SSBP3: variants seen among roughly 807,000 people sequenced by gnomAD.
SSBP3 encodes single-stranded DNA-binding protein 3.
SSBP3 carries 5 observed loss-of-function variants against 69.6 expected under a neutral mutation model. The ratio of observed to expected loss-of-function variants is 0.07; its 90% CI spans 0.04 to 0.15. The LOEUF is 0.15. SSBP3 is among the 10% of genes least tolerant of loss of function. The pLI, the probability that SSBP3 is intolerant of heterozygous loss-of-function variation, is 1.00. For missense variants in SSBP3, 312 were observed against 534.0 expected, an observed-to-expected ratio of 0.58 and a Z score of 4.10; for synonymous variants, 196 against 193.4, an observed-to-expected ratio of 1.01 and a Z score of -0.11.
intron 4 of SSBP3, among the ~76,000 whole-genome samples, chr1:54,297,351 T>C (rs1005889675): frequency 2.0e-5 from 3 of 152,214 alleles, no homozygotes; most frequent in African/African-American, 7.2e-5. Context: ...GTCTCAAGGC[T>C]GGGTGTGGTG....
intron 5 of SSBP3, among the ~76,000 whole-genome samples, chr1:54,273,584 G>T (rs1415751251): frequency 6.6e-6 from 1 of 152,204 alleles, no homozygotes; most frequent in East Asian, 1.9e-4. Flanking sequence ...AGCAAAAAAA[G>T]GCTTTCTTCC....
chr1:54,236,322 T>G (rs536463122), intron 14 of SSBP3: 1 of 152,280 alleles, frequency 6.6e-6, no homozygotes, highest in African/African-American at 2.4e-5. Flanking sequence ...TTACTATGTT[T>G]GCCAGGCTGG....
intron 4 of SSBP3, among the ~76,000 whole-genome samples, chr1:54,296,901 CAAT>C (rs1238162361): frequency 1.3e-5 from 2 of 152,184 alleles, no homozygotes; most frequent in Non-Finnish European, 2.9e-5. Flanking sequence ...GTCCCAGGAA[CAAT>C]AATAAGCCCC....
At chr1:54,240,455 C>G (rs1248527059) in intron 13 of SSBP3, among the ~76,000 whole-genome samples, 1 of 73,560 alleles carries the variant, frequency 1.4e-5, no homozygotes, top group East Asian at 3.7e-4. Flanking sequence ...GATTCTACCT[C>G]AAAAAAGAAA....
intron 7 of SSBP3, among the ~76,000 whole-genome samples, chr1:54,255,158 CGG>C (rs34404422): frequency 0.018 from 1,140 of 63,430 alleles, 5 homozygotes; most frequent in African/African-American, 0.05. Flanking sequence ...TGCGGGGGGG[CGG>C]GGGGGGGGGT....
upstream of SSBP3, among the ~76,000 whole-genome samples, chr1:54,408,681 T>TAC (rs1374865477): frequency 3.3e-5 from 5 of 152,242 alleles, no homozygotes; most frequent in Non-Finnish European, 7.3e-5. Context: ...TTAGAAGATA[T>TAC]ACAGTATCTC....
chr1:54,351,196 G>A (rs546634371), intron 4 of SSBP3, among the ~76,000 whole-genome samples: 90 of 152,262 alleles, frequency 5.9e-4, no homozygotes, highest in Admixed American at 3.1e-3. Context: ...TAAAGTAAAA[G>A]TAGGAAAACA....
chr1:54,243,398 C>T, intron 9 of SSBP3, 99 bp from the exon 10 acceptor site: 1 of 1,417,042 alleles, frequency 7.1e-7, no homozygotes. Flanking sequence ...GAGGGTTAGT[C>T]TGTGAAAAGG....
intron 4 of SSBP3, among the ~76,000 whole-genome samples, chr1:54,331,797 T>C (rs1646415494): frequency 6.6e-6 from 1 of 152,168 alleles, no homozygotes; most frequent in African/African-American, 2.4e-5. Context: ...GGTGGTGCCT[T>C]GCCCCAACTG....
At chr1:54,242,077 G>GT in intron 11 of SSBP3, 87 bp downstream of exon 11, 1 of 1,476,094 alleles carries the variant, frequency 6.8e-7, no homozygotes, top group Non-Finnish European at 9.4e-7. Flanking sequence ...CCCACTTCCC[G>GT]TGACACCTAC....
intron 14 of SSBP3, among the ~76,000 whole-genome samples, chr1:54,234,936 T>C (rs888846429): frequency 7.2e-5 from 11 of 152,134 alleles, no homozygotes; most frequent in African/African-American, 2.7e-4. Context: ...TTAGAACACC[T>C]TTCTTTTAAA....
chr1:54,281,801 C>T (rs1645397259), intron 4 of SSBP3, among the ~76,000 whole-genome samples: 1 of 152,076 alleles, frequency 6.6e-6, no homozygotes, highest in African/African-American at 2.4e-5. Flanking sequence ...TTTTCCTCAT[C>T]TCTAAAATGG....
intron 5 of SSBP3, among the ~76,000 whole-genome samples, chr1:54,277,184 T>C (rs1258621416): frequency 2.0e-5 from 3 of 146,646 alleles, no homozygotes; most frequent in South Asian, 2.4e-4. Context: ...AAAGAGGATA[T>C]GTACCACCAC....
chr1:54,409,121 G>A (rs1649924592), upstream of SSBP3, among the ~76,000 whole-genome samples: 1 of 152,158 alleles, frequency 6.6e-6, no homozygotes, highest in Admixed American at 6.5e-5. Context: ...CAAGGCCCCA[G>A]TCTACCTTTC....
exon 1 of SSBP3, chr1:54,406,157 C>A (rs1649752353): frequency 7.3e-6 from 4 of 545,146 alleles, no homozygotes; most frequent in Admixed American, 4.5e-5. Flanking sequence ...GCCGCGCTCC[C>A]CTCCCTCCCC....
At chr1:54,332,251 G>A (rs978776042) in intron 4 of SSBP3, among the ~76,000 whole-genome samples, 3 of 152,224 alleles carry the variant, frequency 2.0e-5, no homozygotes, top group African/African-American at 7.2e-5. Flanking sequence ...GGTGGCAGGA[G>A]CAGTAGGTGA....
At chr1:54,402,835 G>A (rs1649407872) in intron 3 of SSBP3, among the ~76,000 whole-genome samples, 1 of 152,174 alleles carries the variant, frequency 6.6e-6, no homozygotes, top group Non-Finnish European at 1.5e-5. Flanking sequence ...CAAACACGGA[G>A]TTGTCAGTGA....
upstream of SSBP3, among the ~76,000 whole-genome samples, chr1:54,410,852 A>G (rs908566795): frequency 1.3e-5 from 2 of 152,218 alleles, no homozygotes; most frequent in African/African-American, 4.8e-5. Context: ...GCTGAGCCCA[A>G]GGTTCTGATG....
At chr1:54,277,659 TG>T (rs1645314147) in intron 5 of SSBP3, among the ~76,000 whole-genome samples, 1 of 152,180 alleles carries the variant, frequency 6.6e-6, no homozygotes. Context: ...AAACAACTAT[TG>T]GAATTTAAAA....
Sources: allele counts gnomAD v4.1 joint callset (sites outside exome capture counted in the v4.1 genomes callset), GRCh38; gene constraint gnomAD v4.1.1; transcripts MANE v1.5; gene names NCBI Gene and HGNC (gene_info 2026-07-23, HGNC 2026-07-21).